The following GRIP1 variants were observed in gnomAD, a reference collection of about 807,000 sequenced individuals.
GRIP1 encodes glutamate receptor interacting protein 1.
Under a neutral mutation model 129.9 loss-of-function variants are expected in GRIP1, and 45 were observed. That is an observed-to-expected ratio of 0.35 (90% CI 0.27 to 0.44). GRIP1 has a LOEUF of 0.44. Ranked by LOEUF, GRIP1 falls within the 20% of genes least tolerant of loss-of-function variation. The pLI, the probability that GRIP1 is intolerant of heterozygous loss-of-function variation, is 1.00. For synonymous variants in GRIP1, 530 were observed against 520.8 expected (o/e 1.02, Z -0.24); for missense variants, 1,196 against 1,396.8 (o/e 0.86, Z 2.29).
intron 1 of GRIP1, among the ~76,000 whole-genome samples, chr12:66,904,071 C>A (rs904590845): frequency 2.0e-5 from 3 of 152,190 alleles, no homozygotes; most frequent in Non-Finnish European, 4.4e-5. Flanking sequence ...AAGAAAGCAA[C>A]TTTATGTCTG....
At chr12:66,464,717 G>A (rs7134703) in intron 8 of GRIP1, among the ~76,000 whole-genome samples, 41,085 of 151,770 alleles carry the variant, frequency 0.27, 6,568 homozygotes, top group African/African-American at 0.44. Flanking sequence ...TCTGGATGAC[G>A]TGAAGTGACA....
intron 7 of GRIP1, among the ~76,000 whole-genome samples, chr12:66,501,718 TAAAA>T (rs1473020211): frequency 6.6e-6 from 1 of 152,212 alleles, no homozygotes; most frequent in African/African-American, 2.4e-5. Context: ...TAAAATATGC[TAAAA>T]TTAAAGGGAT....
chr12:66,607,029 G>A (rs2064568308), intron 1 of GRIP1, among the ~76,000 whole-genome samples: 1 of 152,150 alleles, frequency 6.6e-6, no homozygotes, highest in Admixed American at 6.5e-5. Context: ...GAGAGAGTGT[G>A]TGTGTGTGTG....
At chr12:66,898,990 T>C (rs2040799007) in intron 1 of GRIP1, among the ~76,000 whole-genome samples, 1 of 152,168 alleles carries the variant, frequency 6.6e-6, no homozygotes, top group South Asian at 2.1e-4. Context: ...AGCATCAGTA[T>C]CTTCTTACAG....
intron 1 of GRIP1, among the ~76,000 whole-genome samples, chr12:66,873,468 C>T (rs933404800): frequency 6.6e-6 from 1 of 152,062 alleles, no homozygotes; most frequent in African/African-American, 2.4e-5. Flanking sequence ...AGCCAGAGTA[C>T]TTTAAGTCTT....
At chr12:66,368,551 A>G (rs1225329396) in intron 23 of GRIP1, among the ~76,000 whole-genome samples, 1 of 152,138 alleles carries the variant, frequency 6.6e-6, no homozygotes, top group Non-Finnish European at 1.5e-5. Context: ...AGTACCAAGG[A>G]GGCTCAGGGG....
At chr12:66,385,798 C>T (rs1403124883) in intron 19 of GRIP1, among the ~76,000 whole-genome samples, 1 of 151,894 alleles carries the variant, frequency 6.6e-6, no homozygotes, top group Non-Finnish European at 1.5e-5. Context: ...TTAGTAGAGA[C>T]AGGGTTTCAC....
At chr12:66,602,921 T>C (rs1201584114) in intron 1 of GRIP1, among the ~76,000 whole-genome samples, 1 of 146,986 alleles carries the variant, frequency 6.8e-6, no homozygotes, top group Non-Finnish European at 1.5e-5. Flanking sequence ...TGCAGTGATA[T>C]GATCGTGGCT....
At chr12:66,541,789 A>G in intron 3 of GRIP1, 26 bp downstream of exon 3, 1 of 1,611,074 alleles carries the variant, frequency 6.2e-7, no homozygotes, top group Non-Finnish European at 8.5e-7. Context: ...TGTTCCTTTC[A>G]GTAGATTTCC....
chr12:66,410,719 G>T lies in GRIP1; in HGVS notation c.1839-4291C>A, dbSNP rs996793183. On this transcript the variant is annotated intron_variant, in intron 15 of 24. Transcript: ENST00000359742. The stretch of plus-strand genomic sequence containing the variant: ...CAAGATCTAAAAAATAGCCTCAAAA[G>T]GCCAAATCTAAGAGTTATCGGCCTT... Among the ~76,000 whole-genome samples, 22 of 152,028 alleles carry T rather than the reference G, an allele frequency of 1.4e-4. 3 individuals carry two copies. Among genetic ancestry groups the T allele is most frequent in the Admixed American group, 1.2e-3 (19 of 15,256 alleles).
chr12:66,855,098 C>T (rs899954716), intron 1 of GRIP1, among the ~76,000 whole-genome samples: 1 of 151,684 alleles, frequency 6.6e-6, no homozygotes, highest in Non-Finnish European at 1.5e-5. Flanking sequence ...AGCGGAGAAA[C>T]CAAACTAGTA....
intron 19 of GRIP1, among the ~76,000 whole-genome samples, chr12:66,380,498 C>T (rs2056055358): frequency 1.3e-5 from 2 of 152,184 alleles, no homozygotes; most frequent in Admixed American, 1.3e-4. Flanking sequence ...GGAGTTACAT[C>T]TGATTAGCCT....
At chr12:66,979,006 G>A (rs975883068) in intron 1 of GRIP1, among the ~76,000 whole-genome samples, 2 of 151,928 alleles carry the variant, frequency 1.3e-5, no homozygotes, top group Non-Finnish European at 2.9e-5. Context: ...GCATGCCTCA[G>A]TCTCTGTGCT....
intron 1 of GRIP1, among the ~76,000 whole-genome samples, chr12:66,707,739 G>T (rs2035583331): frequency 6.6e-6 from 1 of 151,850 alleles, no homozygotes; most frequent in South Asian, 2.1e-4. Flanking sequence ...ACCATTCCTA[G>T]AATTATTTTC....
At chr12:66,641,126 C>T (rs1232308755) in intron 1 of GRIP1, among the ~76,000 whole-genome samples, 1 of 152,280 alleles carries the variant, frequency 6.6e-6, no homozygotes, top group East Asian at 1.9e-4. Flanking sequence ...GGTAGTAATC[C>T]TTTAGGATAA....
chr12:66,859,853 T>C (rs1333916987), intron 1 of GRIP1, among the ~76,000 whole-genome samples: 1 of 152,020 alleles, frequency 6.6e-6, no homozygotes, highest in Non-Finnish European at 1.5e-5. Flanking sequence ...GGCTTCTTAG[T>C]CCTCCTCAGC....
chr12:66,819,646 A>G (rs1434919602), intron 1 of GRIP1, among the ~76,000 whole-genome samples: 1 of 152,244 alleles, frequency 6.6e-6, no homozygotes, highest in Non-Finnish European at 1.5e-5. Flanking sequence ...AACTAAACTG[A>G]TAATTTTGAA....
intron 1 of GRIP1, among the ~76,000 whole-genome samples, chr12:67,032,616 G>A (rs1486811479): frequency 6.6e-6 from 1 of 152,120 alleles, no homozygotes; most frequent in Non-Finnish European, 1.5e-5. Flanking sequence ...TTGCACTATA[G>A]GACATTTAAC....
intron 5 of GRIP1, among the ~76,000 whole-genome samples, chr12:66,521,592 G>A (rs2138989039): frequency 6.6e-6 from 1 of 152,312 alleles, no homozygotes; most frequent in African/African-American, 2.4e-5. Context: ...GAAGACGGGT[G>A]ATTTCTGCAT....
Sources: allele counts gnomAD v4.1 joint callset (sites outside exome capture counted in the v4.1 genomes callset), GRCh38; gene constraint gnomAD v4.1.1; transcripts MANE v1.5; gene names NCBI Gene and HGNC (gene_info 2026-07-23, HGNC 2026-07-21).